SMAD9: variants seen among roughly 807,000 people sequenced by gnomAD.
SMAD9 encodes the protein SMAD family member 9, also known as MAD homolog 9.
Under a neutral mutation model 46.1 loss-of-function variants are expected in SMAD9, and 36 were observed. The ratio of observed to expected loss-of-function variants is 0.78; its 90% CI spans 0.60 to 1.03. SMAD9 has a LOEUF of 1.03. Ranked by LOEUF, SMAD9 falls within the 50% of genes least tolerant of loss-of-function variation. The probability of loss-of-function intolerance (pLI) is 0.00; values close to 1 mark genes in which losing one functional copy is unlikely to be tolerated. For synonymous variants in SMAD9, 245 were observed against 237.1 expected (o/e 1.03, Z -0.31); for missense variants, 572 against 599.8 (o/e 0.95, Z 0.48).
intron 2 of SMAD9, among the ~76,000 whole-genome samples, chr13:36,875,197 G>C (rs1288419726): frequency 6.6e-6 from 1 of 151,922 alleles, no homozygotes; most frequent in Admixed American, 6.6e-5. Flanking sequence ...TTCTAAAACT[G>C]CTCTAAAAAA....
At chr13:36,901,554 A>G (rs983672417) in intron 1 of SMAD9, among the ~76,000 whole-genome samples, 1 of 151,818 alleles carries the variant, frequency 6.6e-6, no homozygotes, top group African/African-American at 2.4e-5. Flanking sequence ...CAGCCTCCCA[A>G]GTAGCTGAGA....
At chr13:36,868,126 G>C (rs1335660599) in intron 3 of SMAD9, among the ~76,000 whole-genome samples, 1 of 152,224 alleles carries the variant, frequency 6.6e-6, no homozygotes, top group Admixed American at 6.5e-5. Context: ...ATCTGCCTTT[G>C]TTGTATCGAA....
intron 1 of SMAD9, among the ~76,000 whole-genome samples, chr13:36,897,379 G>C (rs2058537346): frequency 6.6e-6 from 1 of 152,302 alleles, no homozygotes; most frequent in Non-Finnish European, 1.5e-5. Flanking sequence ...CAACTTGCTT[G>C]AGGATATTTT....
intron 3 of SMAD9, 66 bp from the exon 4 acceptor site, chr13:36,867,449 G>A (rs981284184): frequency 1.5e-5 from 16 of 1,091,598 alleles, no homozygotes; most frequent in South Asian, 4.5e-5. Flanking sequence ...AGTTGGATCC[G>A]ACATCTTTTG....
chr13:36,898,444 T>G (rs1395782645), intron 1 of SMAD9, among the ~76,000 whole-genome samples: 1 of 151,956 alleles, frequency 6.6e-6, no homozygotes, highest in Non-Finnish European at 1.5e-5. Context: ...GCAAAAATCT[T>G]ATAAGATATT....
chr13:36,856,218 A>G (rs1264120799), intron 5 of SMAD9, among the ~76,000 whole-genome samples: 9 of 152,176 alleles, frequency 5.9e-5, no homozygotes, highest in African/African-American at 2.2e-4. Flanking sequence ...TTTTTTCAAG[A>G]GGGAAAGCAG....
intron 1 of SMAD9, among the ~76,000 whole-genome samples, chr13:36,899,438 G>A (rs929182312): frequency 1.3e-5 from 2 of 152,160 alleles, no homozygotes; most frequent in Non-Finnish European, 2.9e-5. Context: ...ACATGAAAAA[G>A]TATGTAGAAT....
intron 3 of SMAD9, among the ~76,000 whole-genome samples, chr13:36,871,695 T>C (rs994396055): frequency 6.6e-6 from 1 of 152,140 alleles, no homozygotes; most frequent in Non-Finnish European, 1.5e-5. Context: ...GTGCAACAAA[T>C]ATAATAGATG....
At chr13:36,848,945 G>C in intron 6 of SMAD9, 126 bp from the exon 7 acceptor site, 1 of 815,764 alleles carries the variant, frequency 1.2e-6, no homozygotes, top group Non-Finnish European at 2.0e-6. Flanking sequence ...GAGAGGGAGA[G>C]AACATGGCCT....
At chr13:36,897,093 T>C (rs1350194401) in intron 1 of SMAD9, among the ~76,000 whole-genome samples, 1 of 152,208 alleles carries the variant, frequency 6.6e-6, no homozygotes, top group African/African-American at 2.4e-5. Context: ...ATTTTCCCTC[T>C]AGTCATCAGT....
chr13:36,880,620 A>G (rs1396547620), intron 1 of SMAD9, among the ~76,000 whole-genome samples: 1 of 152,204 alleles, frequency 6.6e-6, no homozygotes, highest in Admixed American at 6.5e-5. Flanking sequence ...AGATCCTTTT[A>G]AGGGGACTAT....
chr13:36,883,267 GA>G (rs889666118), intron 1 of SMAD9, among the ~76,000 whole-genome samples: 25 of 149,922 alleles, frequency 1.7e-4, no homozygotes, highest in African/African-American at 5.9e-4. Flanking sequence ...AGCATTCACT[GA>G]AAAAAAAACT....
At chr13:36,875,721 C>T (rs1286036879) in intron 2 of SMAD9, among the ~76,000 whole-genome samples, 1 of 152,218 alleles carries the variant, frequency 6.6e-6, no homozygotes. Context: ...TTTGAATCAT[C>T]TCTGTGACTT....
chr13:36,867,204 G>C, intron 4 of SMAD9, 69 bp downstream of exon 4: 1 of 1,051,166 alleles, frequency 9.5e-7, no homozygotes, highest in Non-Finnish European at 1.4e-6. Context: ...TTTTTGAGTT[G>C]CTTTGTTTGG....
At chr13:36,899,438 G>T (rs929182312) in intron 1 of SMAD9, among the ~76,000 whole-genome samples, 36 of 152,160 alleles carry the variant, frequency 2.4e-4, no homozygotes, top group African/African-American at 8.0e-4. Context: ...ACATGAAAAA[G>T]TATGTAGAAT....
At chr13:36,881,558 T>C (rs1468254983) in intron 1 of SMAD9, among the ~76,000 whole-genome samples, 4 of 152,212 alleles carry the variant, frequency 2.6e-5, no homozygotes, top group African/African-American at 9.6e-5. Flanking sequence ...TTAATAAGTA[T>C]AAAGCAATAG....
chr13:36,875,769 A>C (rs567595203), intron 2 of SMAD9, among the ~76,000 whole-genome samples: 1 of 152,220 alleles, frequency 6.6e-6, no homozygotes, highest in Non-Finnish European at 1.5e-5. Context: ...TATTCCTAAC[A>C]CTGATAAAAA....
At chr13:36,885,748 T>C (rs570083454) in intron 1 of SMAD9, among the ~76,000 whole-genome samples, 20 of 151,922 alleles carry the variant, frequency 1.3e-4, no homozygotes, top group Non-Finnish European at 2.4e-4. Flanking sequence ...ATTTGAATTG[T>C]ATGCTCATTT....
intron 1 of SMAD9, among the ~76,000 whole-genome samples, chr13:36,893,441 A>AAT (rs904598444): frequency 8.8e-4 from 125 of 142,114 alleles, no homozygotes; most frequent in South Asian, 3.2e-3. Context: ...TATAAATATA[A>AAT]ATATATATAT....
Sources: allele counts gnomAD v4.1 joint callset (sites outside exome capture counted in the v4.1 genomes callset), GRCh38; gene constraint gnomAD v4.1.1; transcripts MANE v1.5; gene names NCBI Gene and HGNC (gene_info 2026-07-23, HGNC 2026-07-21).